Variants in DDX6 observed in about 807,000 individuals in gnomAD.
DDX6 encodes the protein probable ATP-dependent RNA helicase DDX6.
A neutral mutation model predicts 60.6 loss-of-function variants in DDX6; 7 were observed. The observed-to-expected ratio is 0.12, with a 90% CI of 0.07 to 0.22. The LOEUF (loss-of-function observed/expected upper bound fraction) is 0.22. Ranked by LOEUF, DDX6 falls within the 10% of genes least tolerant of loss-of-function variation. The pLI is 1.00. For synonymous variants in DDX6, 207 were observed against 201.0 expected (o/e 1.03, Z -0.25); for missense variants, 270 against 589.9 (o/e 0.46, Z 5.62).
At chr11:118,777,333 G>A (rs1008987649) in intron 4 of DDX6, among the ~76,000 whole-genome samples, 15 of 152,190 alleles carry the variant, frequency 9.9e-5, no homozygotes, top group African/African-American at 3.6e-4. Flanking sequence ...AAGTATGTCT[G>A]TTGTCATCAT....
intron 1 of DDX6, chr11:118,789,918 C>CAAAAACA (rs1338998696): frequency 1.3e-5 from 2 of 148,682 alleles, no homozygotes; most frequent in African/African-American, 2.4e-5. Context: ...TCTACATTTT[C>CAAAAACA]AAAAACAAAA....
intron 2 of DDX6, 97 bp downstream of exon 2, chr11:118,785,955 T>C (rs1862059825): frequency 1.8e-6 from 2 of 1,137,502 alleles, no homozygotes; most frequent in Non-Finnish European, 2.5e-6. Context: ...GGAATCAAAA[T>C]GGTTAAATTA....
chr11:118,759,879 G>T (rs1243718303), intron 8 of DDX6, 43 bp downstream of exon 8: 8 of 1,577,694 alleles, frequency 5.1e-6, no homozygotes, highest in Non-Finnish European at 6.9e-6. Context: ...CATACTCAAA[G>T]GTCACAGGAT....
At chr11:118,756,986 T>C (rs1395402083) in intron 10 of DDX6, among the ~76,000 whole-genome samples, 185 bp downstream of exon 10, 2 of 152,206 alleles carry the variant, frequency 1.3e-5, no homozygotes, top group Admixed American at 6.5e-5. Context: ...TTGTAAGTTA[T>C]GAATATGTAC....
At chr11:118,753,098 G>A (rs1024552027) in intron 13 of DDX6, among the ~76,000 whole-genome samples, 5 of 152,022 alleles carry the variant, frequency 3.3e-5, no homozygotes, top group African/African-American at 7.3e-5. Context: ...GCATGACCTC[G>A]GCTCACTGCA....
At chr11:118,762,304 AACCTC>A (rs1861202459) in intron 7 of DDX6, among the ~76,000 whole-genome samples, 1 of 145,490 alleles carries the variant, frequency 6.9e-6, no homozygotes, top group African/African-American at 2.5e-5. Context: ...AATAATAATA[AACCTC>A]AACCCAAATG....
chr11:118,760,906 C>CTT, intron 7 of DDX6, among the ~76,000 whole-genome samples: 1 of 150,790 alleles, frequency 6.6e-6, no homozygotes, highest in East Asian at 2.0e-4. Context: ...TTGGGAGGAC[C>CTT]AGGCGGGCGG....
chr11:118,757,928 CCAGCATTGGG>C (rs1353126563), intron 9 of DDX6, among the ~76,000 whole-genome samples: 1 of 152,106 alleles, frequency 6.6e-6, no homozygotes, highest in Non-Finnish European at 1.5e-5. Flanking sequence ...ACCAATGCCA[CCAGCATTGGG>C]CAGCACTTCA....
chr11:118,776,460 C>T (rs1861702104), intron 4 of DDX6, among the ~76,000 whole-genome samples: 1 of 152,122 alleles, frequency 6.6e-6, no homozygotes, highest in South Asian at 2.1e-4. Context: ...CATCAAAGCA[C>T]GCTAAATAAG....
In DDX6 at chr11:118,782,956, A is replaced by G. The variant is rs978137703; in HGVS notation, c.201-1772T>C. ...ACTAAAGCCTTTCATCTAAGCCTGT[A>G]TCATCGAAGTTTCTGATGTCAGTTT... is the stretch of plus-strand genomic sequence containing the variant. On this transcript the variant is annotated intron_variant, in intron 2 of 13. Coordinates refer to ENST00000534980, the MANE Select transcript of DDX6 (RefSeq NM_004397.6). 3.3e-5 allele frequency among the ~76,000 whole-genome samples: 5 copies of G among 152,336 alleles called. No individual in the cohort carries two copies. The South Asian group carries it at 1.0e-3, about 32-fold the overall frequency.
At chr11:118,787,480 CA>C (rs1862113399) in intron 1 of DDX6, 1 of 32,746 alleles carries the variant, frequency 3.1e-5, no homozygotes, top group Non-Finnish European at 6.0e-5. Context: ...AAAACAAAAA[CA>C]AACAAGAAAA....
chr11:118,785,124 T>C (rs925907131), intron 2 of DDX6, among the ~76,000 whole-genome samples: 6 of 152,234 alleles, frequency 3.9e-5, no homozygotes, highest in Admixed American at 1.3e-4. Flanking sequence ...GAATCTTAAA[T>C]GTTAATTTCC....
At chr11:118,772,363 C>T (rs192350550) in intron 4 of DDX6, among the ~76,000 whole-genome samples, 30 of 152,044 alleles carry the variant, frequency 2.0e-4, no homozygotes, top group Admixed American at 6.5e-4. Context: ...CAGATGAACT[C>T]GGAAAACATT....
chr11:118,750,979 T>C lies in DDX6; in HGVS notation c.*1126A>G, dbSNP rs1295680295. 2.0e-5 allele frequency: 3 copies of C among 151,806 alleles called. No homozygotes were observed. Among genetic ancestry groups the C allele is most frequent in the African/African-American group, 7.3e-5 (3 of 41,160 alleles). The allele number at this position is 151,806 out of a possible 1,614,324, so 9.4% of individuals were successfully genotyped here. ...TCTAGAATTTAGTGTTGCGTAAAACTGAGCCCCTCTCATCTTTAGCTGCTC... is the reference window on the plus strand; with the variant it reads ...TCTAGAATTTAGTGTTGCGTAAAACCGAGCCCCTCTCATCTTTAGCTGCTC... On this transcript the variant is annotated 3_prime_UTR_variant, in exon 14 of 14. Transcript: ENST00000534980.
chr11:118,772,359 A>G (rs1480521098), intron 4 of DDX6, among the ~76,000 whole-genome samples: 1 of 152,226 alleles, frequency 6.6e-6, no homozygotes, highest in East Asian at 1.9e-4. Flanking sequence ...AACACAGATG[A>G]ACTCGGAAAA....
At chr11:118,759,401 A>G (rs985654444) in intron 8 of DDX6, 1 of 154,190 alleles carries the variant, frequency 6.5e-6, no homozygotes, top group South Asian at 2.0e-4. Context: ...AATGCAGCTA[A>G]GTTACTACAG....
intron 3 of DDX6, among the ~76,000 whole-genome samples, chr11:118,780,321 T>C (rs182677014): frequency 5.6e-4 from 85 of 151,988 alleles, no homozygotes; most frequent in African/African-American, 2.0e-3. Flanking sequence ...GTCATAGCCT[T>C]CTTTTTTTCT....
chr11:118,762,181 C>T (rs950096746), intron 7 of DDX6, among the ~76,000 whole-genome samples: 4 of 151,202 alleles, frequency 2.6e-5, no homozygotes, highest in African/African-American at 4.9e-5. Context: ...AAGGCTGAGG[C>T]ATAAGAATCA....
Position 118,786,228 on chromosome 11 carries a change from G to A in DDX6, c.24C>T (p.Asn8=), listed in dbSNP as rs770483444. The change falls in exon 2 of 14, where the codon AAC becomes AAT. Residue 8 remains asparagine (N), a synonymous_variant. Transcript: ENST00000534980. The part of the protein sequence containing the change: MSTARTE[N]PVIMGLSSQN... ...GACTGGACAGACCCATTATAACAGGGTTCTCTGTTCTGGCCGTGCTCATGC... is the reference window on the plus strand; with the variant it reads ...GACTGGACAGACCCATTATAACAGGATTCTCTGTTCTGGCCGTGCTCATGC... 1.6e-5 allele frequency: 25 copies of A among 1,610,906 alleles called. No homozygotes were observed. The highest frequency in any genetic ancestry group is 3.3e-5 in the South Asian group (3 of 90,482).
Sources: gnomAD v4.1 joint callset for allele counts (sites outside exome capture counted in the v4.1 genomes callset) on GRCh38, gnomAD v4.1.1 for gene constraint, MANE v1.5 for transcripts, NCBI Gene and HGNC (gene_info 2026-07-23, HGNC 2026-07-21) for gene names.